Variants in CCDC92B observed in about 807,000 individuals in gnomAD.
CCDC92B encodes the protein coiled-coil domain containing 92B.
In CCDC92B, 2 loss-of-function variants were observed where a neutral mutation model predicts 5.6. That is an observed-to-expected ratio of 0.36 (90% CI 0.15 to 1.12). The LOEUF (loss-of-function observed/expected upper bound fraction) is 1.12. CCDC92B is among the 50% of genes most tolerant of loss of function. CCDC92B has a pLI of 0.40. For synonymous variants in CCDC92B, 115 were observed against 122.3 expected, an observed-to-expected ratio of 0.94 and a Z score of 0.39; for missense variants, 271 against 262.2, an observed-to-expected ratio of 1.03 and a Z score of -0.23.
Position 2,724,689 on chromosome 17 carries a change from G to C in CCDC92B, c.490C>G (p.Pro164Ala). ...CGCAGTGCGCGGCGGCGTGGCCTGG[G>C]CTCGGCGGTGGCGCCGGGGCCCGGG... ...PRPGPGATAE[P>A]RPRRRALRAR... The change falls in exon 4 of 4, where the codon CCC (proline) becomes GCC (alanine). Residue 164 changes from proline (P) to alanine (A), a missense_variant. By Grantham distance (27) the Pro-to-Ala change is conservative. Coordinates refer to ENST00000614400, the MANE Select transcript of CCDC92B (RefSeq NM_001355573.2). The surrounding 1 kb of genome is among the most constrained non-coding windows in gnomAD (Gnocchi z 5.0). The C allele has an allele frequency of 1.0e-6, 1 of 982,394 alleles. No individual in the cohort carries two copies. Among genetic ancestry groups the C allele is most frequent in the Non-Finnish European group, 1.2e-6 (1 of 828,476 alleles). 60.9% of individuals were successfully genotyped at this position (982,394 alleles called of 1,614,324 possible).
At position 2,724,948 on chromosome 17, in the gene CCDC92B, C is replaced by T; in HGVS notation, c.231G>A (p.Leu77=). The T allele has an allele frequency of 1.0e-6, 1 of 985,546 alleles. No homozygotes were observed. Among genetic ancestry groups the T allele is most frequent in the African/African-American group, 1.7e-5 (1 of 57,366 alleles). The allele number at this position is 985,546 out of a possible 1,614,324, so 61.1% of individuals were successfully genotyped here. Residue 77 remains leucine (L), a synonymous_variant, in exon 4 of 4, where the codon CTG becomes CTA. Coordinates refer to ENST00000614400, the MANE Select transcript of CCDC92B (RefSeq NM_001355573.2). This position sits in a 1 kb window ranked among gnomAD's most constrained non-coding sequence, Gnocchi z 5.0. The part of the protein sequence containing the change: ...ESKCRALESQ[L]EARAAANAEL... Reference sequence around the variant, plus strand: ...CCGCGTTGGCCGCAGCACGCGCCTCCAGCTGCGACTCCAGCGCGCGGCACT... The same window carrying T: ...CCGCGTTGGCCGCAGCACGCGCCTCTAGCTGCGACTCCAGCGCGCGGCACT...
chr17:2,735,493 C>T (rs146556872), intron 1 of CCDC92B, among the ~76,000 whole-genome samples: 20 of 152,222 alleles, frequency 1.3e-4, no homozygotes, highest in East Asian at 9.6e-4. Context: ...TGCAGTGGCA[C>T]GATCTTGGCT....
At chr17:2,731,611 G>C (rs182399002) in intron 2 of CCDC92B, among the ~76,000 whole-genome samples, 1 of 152,344 alleles carries the variant, frequency 6.6e-6, no homozygotes, top group Non-Finnish European at 1.5e-5. Flanking sequence ...CAGAGACCCA[G>C]GGCTTTGCCA....
At position 2,724,493 on chromosome 17, in the gene CCDC92B, T is replaced by G; in HGVS notation, c.686A>C (p.Gln229Pro). The G allele has an allele frequency of 4.1e-6, 4 of 980,462 alleles. No individual in the cohort carries two copies. Among genetic ancestry groups the G allele is most frequent in the Non-Finnish European group, 3.6e-6 (3 of 826,872 alleles). 60.7% of individuals were successfully genotyped at this position (980,462 alleles called of 1,614,324 possible). ...GTCCGGGGGCTCCTGGGGAGGCGGC[T>G]GGCGCGGGCTGCGGGCGCTGGGCCG... ...PLRPSARSPR[Q>P]PPPQEPPDRA... The change falls in exon 4 of 4, where the codon CAG becomes CCG. Residue 229 changes from glutamine (Q) to proline (P), a missense_variant. Coordinates refer to ENST00000614400, the MANE Select transcript of CCDC92B (RefSeq NM_001355573.2). The surrounding 1 kb of genome is among the most constrained non-coding windows in gnomAD (Gnocchi z 5.0).
intron 1 of CCDC92B, among the ~76,000 whole-genome samples, chr17:2,740,862 A>G (rs1207532675): frequency 6.9e-6 from 1 of 144,506 alleles, no homozygotes. Context: ...AGCTACTGGG[A>G]GGCTGAGGTG....
At chr17:2,736,575 C>T (rs1313300643) in intron 1 of CCDC92B, among the ~76,000 whole-genome samples, 2 of 151,212 alleles carry the variant, frequency 1.3e-5, no homozygotes, top group Non-Finnish European at 2.9e-5. Context: ...AGTGAGATCT[C>T]GTCTCTAAAA....
chr17:2,733,095 C>T (rs1174774255), intron 2 of CCDC92B, among the ~76,000 whole-genome samples: 3 of 150,938 alleles, frequency 2.0e-5, no homozygotes, highest in Non-Finnish European at 4.4e-5. Context: ...GTTTCAGGCC[C>T]ATACCCATCT....
At chr17:2,730,044 G>A (rs2070775702) in intron 3 of CCDC92B, among the ~76,000 whole-genome samples, 1 of 152,104 alleles carries the variant, frequency 6.6e-6, no homozygotes, top group African/African-American at 2.4e-5. Flanking sequence ...TGGGGAGGTG[G>A]GTCACAGCAA....
At chr17:2,729,731 A>T (rs1320302678) in intron 3 of CCDC92B, among the ~76,000 whole-genome samples, 1 of 152,230 alleles carries the variant, frequency 6.6e-6, no homozygotes, top group Admixed American at 6.6e-5. Context: ...GGGGTGCAGC[A>T]GATCTTTAGA....
chr17:2,744,825 CAG>C (rs2070967160), intron 1 of CCDC92B, among the ~76,000 whole-genome samples: 1 of 151,992 alleles, frequency 6.6e-6, no homozygotes, highest in South Asian at 2.1e-4. Flanking sequence ...CTTTGGGAGA[CAG>C]AGGTGAACAG....
intron 1 of CCDC92B, 141 bp from the exon 2 acceptor site, chr17:2,735,309 T>G: frequency 2.7e-6 from 1 of 372,730 alleles, no homozygotes; most frequent in Non-Finnish European, 3.7e-6. Flanking sequence ...CTCCACACTA[T>G]TCCTTCATTC....
rs942013564 is a variant in CCDC92B at position 2,724,325 on chromosome 17, C to A, written c.*86G>T. 70 of 985,072 alleles carry A rather than the reference C, an allele frequency of 7.1e-5. No individual in the cohort carries two copies. The highest frequency in any genetic ancestry group is 8.2e-5 in the Non-Finnish European group (68 of 829,866). The allele number at this position is 985,072 out of a possible 1,614,324, so 61.0% of individuals were successfully genotyped here. A position where few individuals can be genotyped will look rare whatever the true frequency, so the allele number is the denominator to read the frequency against. ...TCCTGGAGGAGGGGCGGCTGCCCTCCGACCCGGGACCTGCCTGCGGGGACC... is the reference window on the plus strand; with the variant it reads ...TCCTGGAGGAGGGGCGGCTGCCCTCAGACCCGGGACCTGCCTGCGGGGACC... On this transcript the variant is annotated 3_prime_UTR_variant, in exon 4 of 4. Coordinates refer to ENST00000614400, the MANE Select transcript of CCDC92B (RefSeq NM_001355573.2). The surrounding 1 kb of genome is among the most constrained non-coding windows in gnomAD (Gnocchi z 5.0).
chr17:2,726,778 TA>T (rs2070736496), intron 3 of CCDC92B, among the ~76,000 whole-genome samples: 1 of 151,772 alleles, frequency 6.6e-6, no homozygotes, highest in Non-Finnish European at 1.5e-5. Context: ...CACACCCAGC[TA>T]ATTTATTTTT....
At chr17:2,738,560 C>T (rs1293070878) in intron 1 of CCDC92B, among the ~76,000 whole-genome samples, 7 of 144,616 alleles carry the variant, frequency 4.8e-5, no homozygotes, top group African/African-American at 1.6e-4. Context: ...ATCACGAGGT[C>T]GGGAGATCGA....
chr17:2,736,010 A>G (rs551636358), intron 1 of CCDC92B, among the ~76,000 whole-genome samples: 15 of 152,124 alleles, frequency 9.9e-5, no homozygotes, highest in African/African-American at 3.1e-4. Context: ...CCTTAGTTCA[A>G]CTCCACTTCA....
intron 2 of CCDC92B, among the ~76,000 whole-genome samples, chr17:2,733,904 G>A (rs1042662962): frequency 3.3e-5 from 5 of 151,368 alleles, no homozygotes; most frequent in Admixed American, 2.0e-4. Context: ...GATTACAGGC[G>A]TGCACCACCA....
At chr17:2,727,948 C>T (rs536068568) in intron 3 of CCDC92B, among the ~76,000 whole-genome samples, 20 of 152,112 alleles carry the variant, frequency 1.3e-4, no homozygotes, top group South Asian at 4.2e-4. Flanking sequence ...TACAAAGCTG[C>T]AGTGAGCTAT....
chr17:2,741,686 G>A lies in CCDC92B; in HGVS notation c.-23-6518C>T, dbSNP rs757970858. Reference sequence around the variant, plus strand: ...CGGCTCACTGCAAGCTCTGCCTCCCGGGTTCGCCTCATTCTCCTGCCTCAG... The same window carrying A: ...CGGCTCACTGCAAGCTCTGCCTCCCAGGTTCGCCTCATTCTCCTGCCTCAG... On this transcript the variant is annotated intron_variant, in intron 1 of 3. Transcript: ENST00000614400. Among the ~76,000 whole-genome samples the A allele has an allele frequency of 1.1e-4, 16 of 143,056 alleles. 1 individual carries two copies. The highest frequency in any genetic ancestry group is 1.5e-4 in the African/African-American group (6 of 38,758). The allele number at this position is 143,056 out of a possible 152,430, so 93.9% of individuals were successfully genotyped here.
chr17:2,742,863 G>C (rs892965976), intron 1 of CCDC92B, among the ~76,000 whole-genome samples: 1 of 152,130 alleles, frequency 6.6e-6, no homozygotes, highest in Non-Finnish European at 1.5e-5. Context: ...ATTGCTGTTT[G>C]CCCACTCATT....
Sources: allele counts gnomAD v4.1 joint callset (sites outside exome capture counted in the v4.1 genomes callset), GRCh38; gene constraint gnomAD v4.1.1; non-coding constraint Gnocchi (gnomAD v3.1); transcripts MANE v1.5; gene names NCBI Gene and HGNC (gene_info 2026-07-23, HGNC 2026-07-21).